TRAPPC13: variants seen among roughly 807,000 people sequenced by gnomAD.
TRAPPC13 encodes REV7-interacting novel NHEJ regulator 1.
TRAPPC13 carries 39 observed loss-of-function variants against 54.0 expected under a neutral mutation model. The ratio of observed to expected loss-of-function variants is 0.72; its 90% CI spans 0.56 to 0.94. The LOEUF (loss-of-function observed/expected upper bound fraction) is 0.94, where lower values mean the gene tolerates loss of function less well. Among genes scored for constraint, TRAPPC13 ranks in the 40% least tolerant of loss-of-function variants. The probability of loss-of-function intolerance (pLI) is 0.00; values close to 1 mark genes in which losing one functional copy is unlikely to be tolerated. For synonymous variants in TRAPPC13, 148 were observed against 167.7 expected (o/e 0.88, Z 0.91); for missense variants, 386 against 488.1 (o/e 0.79, Z 1.97).
At chr5:65,637,274 G>C (rs1755781905) in intron 3 of TRAPPC13, among the ~76,000 whole-genome samples, 1 of 152,214 alleles carries the variant, frequency 6.6e-6, no homozygotes, top group African/African-American at 2.4e-5. Context: ...TATTTCACCA[G>C]ATTTCTATCC....
At chr5:65,640,795 A>G (rs1373804077) in intron 4 of TRAPPC13, among the ~76,000 whole-genome samples, 1 of 152,214 alleles carries the variant, frequency 6.6e-6, no homozygotes, top group Non-Finnish European at 1.5e-5. Flanking sequence ...AGTAGTATGC[A>G]TGTTCTAAAA....
intron 1 of TRAPPC13, among the ~76,000 whole-genome samples, chr5:65,632,150 G>A (rs969936067): frequency 6.6e-6 from 1 of 151,268 alleles, no homozygotes; most frequent in South Asian, 2.1e-4. Flanking sequence ...GTGGGCGGGG[G>A]TAGGGGGTGG....
At position 65,647,148 on chromosome 5, in the gene TRAPPC13, A is replaced by G; in HGVS notation, c.394A>G (p.Ile132Val). The G allele has an allele frequency of 1.3e-6, 2 of 1,582,416 alleles. No individual in the cohort carries two copies. The highest frequency in any genetic ancestry group is 1.7e-6 in the Non-Finnish European group (2 of 1,162,506). ...LKPDCCIDDV[I>V]HHEVKEIGTH... ...ACCGGATTGTTGTATTGATGATGTC[A>G]TACATCATGAAGTCAAAGAAATTGG... Residue 132 changes from isoleucine (I) to valine (V), a missense_variant, in exon 5 of 13, where the codon ATA (isoleucine) becomes GTA (valine). Transcript: ENST00000399438.
intron 6 of TRAPPC13, among the ~76,000 whole-genome samples, chr5:65,652,147 G>A (rs1756482769): frequency 6.6e-6 from 1 of 151,870 alleles, no homozygotes; most frequent in Non-Finnish European, 1.5e-5. Context: ...ACAGGAGTGA[G>A]CCACTGCACC....
At chr5:65,625,880 C>T (rs1317792860) in intron 1 of TRAPPC13, 4 of 152,212 alleles carry the variant, frequency 2.6e-5, no homozygotes, top group Admixed American at 2.6e-4. Flanking sequence ...TGAGGAAATG[C>T]TCAATAAACA....
chr5:65,632,874 T>A (rs1455191171), intron 1 of TRAPPC13, among the ~76,000 whole-genome samples: 1 of 152,222 alleles, frequency 6.6e-6, no homozygotes, highest in Non-Finnish European at 1.5e-5. Context: ...ACTTACACTT[T>A]CAAAATAATG....
At chr5:65,646,874 C>T (rs1191938881) in intron 4 of TRAPPC13, among the ~76,000 whole-genome samples, 181 bp from the exon 5 acceptor site, 3 of 151,942 alleles carry the variant, frequency 2.0e-5, no homozygotes, top group Non-Finnish European at 2.9e-5. Context: ...GGGGGGTGTG[C>T]CATTGCCATG....
chr5:65,664,532 C>T lies in TRAPPC13; in HGVS notation c.1175C>T (p.Thr392Ile). The change falls in exon 13 of 13, where the codon ACA becomes ATA. Residue 392 changes from threonine (T) to isoleucine (I), a missense_variant. Physicochemically the swap from Thr to Ile is moderately conservative, Grantham distance 89. Transcript: ENST00000399438. ...QSISGLRLTD[T>I]FLKRTYEYDD... ...ATCTCTGGCTTAAGACTAACAGACA[C>T]ATTCTTAAAGAGAACATATGAATAT... The T allele has an allele frequency of 6.2e-7, 1 of 1,611,500 alleles. No homozygotes were observed. The highest frequency in any genetic ancestry group is 1.3e-5 in the African/African-American group (1 of 74,868).
intron 1 of TRAPPC13, 98 bp from the exon 2 acceptor site, chr5:65,635,203 T>C: frequency 1.0e-6 from 1 of 997,592 alleles, no homozygotes; most frequent in African/African-American, 1.6e-5. Flanking sequence ...TTATATTTTA[T>C]GTTAGTATAA....
At chr5:65,660,203 A>G (rs575601196) in intron 9 of TRAPPC13, among the ~76,000 whole-genome samples, 9 of 152,148 alleles carry the variant, frequency 5.9e-5, no homozygotes, top group African/African-American at 2.2e-4. Context: ...TTATTATTCT[A>G]AACTCTTATC....
chr5:65,636,234 C>T (rs953731924), intron 3 of TRAPPC13, among the ~76,000 whole-genome samples, 191 bp downstream of exon 3: 15 of 151,170 alleles, frequency 9.9e-5, no homozygotes, highest in African/African-American at 3.7e-4. Flanking sequence ...ACCTCCACCT[C>T]CTGGGTTCAA....
At chr5:65,648,438 T>C (rs1236934619) in intron 5 of TRAPPC13, among the ~76,000 whole-genome samples, 1 of 152,228 alleles carries the variant, frequency 6.6e-6, no homozygotes, top group Non-Finnish European at 1.5e-5. Flanking sequence ...GCATGAAGTC[T>C]GCTGTAGTCC....
intron 4 of TRAPPC13, among the ~76,000 whole-genome samples, chr5:65,641,181 G>A (rs763742703): frequency 1.7e-4 from 26 of 151,970 alleles, no homozygotes; most frequent in Admixed American, 1.6e-3. Context: ...CAAGCCTCCC[G>A]CATCAGCCTC....
At chr5:65,630,426 A>G in intron 1 of TRAPPC13, 2 of 1,405,910 alleles carry the variant, frequency 1.4e-6, no homozygotes, top group Non-Finnish European at 1.8e-6. Context: ...AGGTTTTAAA[A>G]TTTTTAATGA....
intron 1 of TRAPPC13, among the ~76,000 whole-genome samples, chr5:65,629,024 G>C (rs1458572526): frequency 6.6e-6 from 1 of 152,032 alleles, no homozygotes; most frequent in Non-Finnish European, 1.5e-5. Context: ...TTTTCACCAT[G>C]TTGGATTAGA....
chr5:65,642,001 T>C (rs772809795), intron 4 of TRAPPC13, among the ~76,000 whole-genome samples: 4 of 152,104 alleles, frequency 2.6e-5, no homozygotes, highest in Non-Finnish European at 5.9e-5. Context: ...TTTATCTGCA[T>C]AGAGGTCTGT....
chr5:65,653,834 G>T (rs1255797781), intron 7 of TRAPPC13, among the ~76,000 whole-genome samples: 1 of 152,148 alleles, frequency 6.6e-6, no homozygotes, highest in Non-Finnish European at 1.5e-5. Flanking sequence ...TGGGGGATAG[G>T]TGAGTTGGAG....
chr5:65,663,413 T>C (rs961079052), intron 11 of TRAPPC13: 2 of 152,160 alleles, frequency 1.3e-5, no homozygotes, highest in Non-Finnish European at 2.9e-5. Flanking sequence ...ATGTAGTGCA[T>C]CCACCTTGGT....
intron 6 of TRAPPC13, 146 bp from the exon 7 acceptor site, chr5:65,652,355 T>TTTG: frequency 2.3e-6 from 1 of 428,642 alleles, no homozygotes; most frequent in Non-Finnish European, 4.1e-6. Flanking sequence ...TTTTTTTTTT[T>TTTG]TGGAAGAATA....
Sources: gnomAD v4.1 joint callset for allele counts (sites outside exome capture counted in the v4.1 genomes callset) on GRCh38, gnomAD v4.1.1 for gene constraint, MANE v1.5 for transcripts, NCBI Gene and HGNC (gene_info 2026-07-23, HGNC 2026-07-21) for gene names.